HROB: variants seen among roughly 807,000 people sequenced by gnomAD.
The protein encoded by HROB is homologous recombination OB-fold protein.
In HROB, 44 loss-of-function variants were observed where a neutral mutation model predicts 61.0. The ratio of observed to expected loss-of-function variants is 0.72; its 90% CI spans 0.57 to 0.93. HROB has a LOEUF of 0.93. HROB is among the 40% of genes least tolerant of loss of function. The probability of loss-of-function intolerance (pLI) is 0.00; values close to 1 mark genes in which losing one functional copy is unlikely to be tolerated. For missense variants in HROB, 716 were observed against 796.2 expected, an observed-to-expected ratio of 0.90 and a Z score of 1.21; for synonymous variants, 301 against 310.4, an observed-to-expected ratio of 0.97 and a Z score of 0.32.
Position 44,142,133 on chromosome 17 carries a change from C to T in HROB, c.-10C>T, listed in dbSNP as rs1250802305. On this transcript the variant is annotated 5_prime_UTR_variant, in exon 1 of 10. Transcript: ENST00000585683. Reference sequence around the variant, plus strand: ...GCCAACCTCCCCGCCGAGGCCCACCCGCCGTCGCTATGGTAATGCCGCGCC... The same window carrying T: ...GCCAACCTCCCCGCCGAGGCCCACCTGCCGTCGCTATGGTAATGCCGCGCC... The T allele has an allele frequency of 1.3e-6, 2 of 1,529,420 alleles. No individual in the cohort carries two copies. The highest frequency in any genetic ancestry group is 4.0e-5 in the Admixed American group (2 of 50,462). 94.7% of individuals were successfully genotyped at this position (1,529,420 alleles called of 1,614,324 possible). A position where few individuals can be genotyped will look rare whatever the true frequency, so the allele number is the denominator to read the frequency against.
At position 44,148,721 on chromosome 17, in the gene HROB, CTG is replaced by C; in HGVS notation, c.919_920del (p.Trp307ValfsTer24). On this transcript the variant is annotated frameshift_variant, in exon 3 of 10. Coordinates refer to ENST00000585683, the MANE Select transcript of HROB (RefSeq NM_001171251.3). LOFTEE classifies it high-confidence loss of function. ...PCQPFQSPSSWLSGKAHLPRP... is the reference protein window; with the variant it reads ...PCQPFQSPSSXLSGKAHLPRP... ...GTCAGCCATTCCAGTCTCCAAGTTCCTGGTTAAGTGGCAAAGCTCATTTACCC... is the reference window on the plus strand; with the variant it reads ...GTCAGCCATTCCAGTCTCCAAGTTCCGTTAAGTGGCAAAGCTCATTTACCC... 3.7e-6 allele frequency: 6 copies of C among 1,614,222 alleles called. No homozygotes were observed. Among genetic ancestry groups the C allele is most frequent in the Non-Finnish European group, 4.2e-6 (5 of 1,180,034 alleles).
chr17:44,143,687 C>T (rs1299420687), intron 1 of HROB, among the ~76,000 whole-genome samples: 2 of 151,282 alleles, frequency 1.3e-5, no homozygotes, highest in Non-Finnish European at 2.9e-5. Context: ...CACGGTGGTG[C>T]ACACCTGTAG....
Position 44,148,433 on chromosome 17 carries a change from G to C in HROB, c.630G>C (p.Gln210His). Residue 210 changes from glutamine to histidine, a missense_variant, in exon 3 of 10, where the codon CAG becomes CAC. Transcript: ENST00000585683. ...TAGTTGATCTGAGTGGATCTTGCCA[G>C]AAGGGGCCTGTGCCTGCCATCCACA... ...ARVVDLSGSC[Q>H]KGPVPAIHKA... is the part of the protein sequence containing the mutation. The C allele has an allele frequency of 6.2e-7, 1 of 1,614,160 alleles. No homozygotes were observed. Among genetic ancestry groups the C allele is most frequent in the Non-Finnish European group, 8.5e-7 (1 of 1,180,022 alleles).
At chr17:44,161,476 G>C (rs1462193398) in intron 9 of HROB, among the ~76,000 whole-genome samples, 1 of 152,178 alleles carries the variant, frequency 6.6e-6, no homozygotes, top group Non-Finnish European at 1.5e-5. Context: ...TTAAGGAACT[G>C]TGTAACTCTG....
rs769879941 is a variant in HROB, at chr17:44,148,887, G to C, written c.1084G>C (p.Ala362Pro). Residue 362 changes from alanine to proline, a missense_variant, in exon 3 of 10, where the codon GCT becomes CCT. Physicochemically the swap from Ala to Pro is conservative, Grantham distance 27. Coordinates refer to ENST00000585683, the MANE Select transcript of HROB (RefSeq NM_001171251.3). ...TGGTACCCCAAAAGGTCCCCAGGGA[G>C]CTCTGCAGACACCCATAGTCACCAA... is the stretch of plus-strand genomic sequence containing the variant. ...PVGTPKGPQG[A>P]LQTPIVTNHL... 17 of 1,614,044 alleles carry C rather than the reference G, an allele frequency of 1.1e-5. No homozygotes were observed. The East Asian group carries it at 3.8e-4, about 36-fold the overall frequency.
At chr17:44,142,960 A>G (rs2053499345) in intron 1 of HROB, among the ~76,000 whole-genome samples, 1 of 151,308 alleles carries the variant, frequency 6.6e-6, no homozygotes, top group Non-Finnish European at 1.5e-5. Context: ...TTTTTGAGAC[A>G]GAGTCTCACT....
At chr17:44,150,665 A>G (rs2053774181) in intron 3 of HROB, among the ~76,000 whole-genome samples, 1 of 152,170 alleles carries the variant, frequency 6.6e-6, no homozygotes, top group Non-Finnish European at 1.5e-5. Context: ...TGCTGGGATT[A>G]CAGGTGTGAG....
At chr17:44,147,735 C>T (rs1279501328) in intron 2 of HROB, 123 bp from the exon 3 acceptor site, 2 of 996,128 alleles carry the variant, frequency 2.0e-6, no homozygotes, top group Admixed American at 5.5e-5. Flanking sequence ...CATGCCCGAC[C>T]CTCATGCTTT....
chr17:44,145,439 A>T (rs559378791), intron 2 of HROB, among the ~76,000 whole-genome samples, 186 bp downstream of exon 2: 1 of 152,352 alleles, frequency 6.6e-6, no homozygotes, highest in South Asian at 2.1e-4. Context: ...GAAACAAAAA[A>T]CCAGAGCAAT....
intron 2 of HROB, among the ~76,000 whole-genome samples, chr17:44,147,436 CTTTT>C (rs34538292): frequency 4.4e-5 from 5 of 114,730 alleles, no homozygotes; most frequent in Admixed American, 9.0e-5. Context: ...TCTTTTCTTT[CTTTT>C]TTTTTTTTTT....
intron 3 of HROB, among the ~76,000 whole-genome samples, chr17:44,150,080 G>C (rs2053752409): frequency 6.6e-6 from 1 of 152,192 alleles, no homozygotes; most frequent in Non-Finnish European, 1.5e-5. Context: ...ATTGTGGCAG[G>C]TGTGGGGAAG....
At chr17:44,152,881 A>G (rs1415187315) in intron 5 of HROB, 104 bp downstream of exon 5, 6 of 1,390,270 alleles carry the variant, frequency 4.3e-6, no homozygotes, top group Non-Finnish European at 5.9e-6. Context: ...GCTCCCTCGT[A>G]CCCTATACAA....
At chr17:44,154,764 C>A (rs1350821157) in intron 6 of HROB, 89 bp from the exon 7 acceptor site, 1 of 1,587,962 alleles carries the variant, frequency 6.3e-7, no homozygotes, top group South Asian at 1.1e-5. Flanking sequence ...AAAACTGAGG[C>A]AGTGAGCAGC....
Position 44,162,319 on chromosome 17 carries a change from G to A in HROB, c.*387G>A, listed in dbSNP as rs184821724. 145 of 204,380 alleles carry A rather than the reference G, an allele frequency of 7.1e-4. No homozygotes were observed. The highest frequency in any genetic ancestry group is 3.9e-3 in the Middle Eastern group (2 of 514). The allele number at this position is 204,380 out of a possible 1,614,324, so 12.7% of individuals were successfully genotyped here. A position where few individuals can be genotyped will look rare whatever the true frequency, so the allele number is the denominator to read the frequency against. Reference sequence around the variant, plus strand: ...AAAGGAGCCACACCACAACAATGGCGGCCTGCCCCTCCACACAGGGGAGAA... The same window carrying A: ...AAAGGAGCCACACCACAACAATGGCAGCCTGCCCCTCCACACAGGGGAGAA... On this transcript the variant is annotated 3_prime_UTR_variant, in exon 10 of 10. Transcript: ENST00000585683.
chr17:44,161,634 G>T (rs571007190), intron 9 of HROB, among the ~76,000 whole-genome samples: 1 of 152,326 alleles, frequency 6.6e-6, no homozygotes, highest in South Asian at 2.1e-4. Flanking sequence ...TTCCTCGTCA[G>T]AATGGCCCAG....
At chr17:44,155,198 C>G in intron 7 of HROB, 88 bp from the exon 8 acceptor site, 3 of 1,569,464 alleles carry the variant, frequency 1.9e-6, no homozygotes, top group Non-Finnish European at 2.6e-6. Flanking sequence ...CAGAGGACAC[C>G]AAGTGAAAGG....
chr17:44,148,901 C>G lies in HROB; in HGVS notation c.1098C>G (p.Pro366=). The G allele has an allele frequency of 8.7e-6, 14 of 1,614,158 alleles. No homozygotes were observed. Among genetic ancestry groups the G allele is most frequent in the Non-Finnish European group, 1.2e-5 (14 of 1,180,010 alleles). Residue 366 remains proline (P), a synonymous_variant, in exon 3 of 10, where the codon CCC becomes CCG. Transcript: ENST00000585683. The stretch of plus-strand genomic sequence containing the variant: ...GTCCCCAGGGAGCTCTGCAGACACC[C>G]ATAGTCACCAACCACCTGGTGCAGC... The part of the protein sequence containing the change: ...PKGPQGALQT[P]IVTNHLVQLV...
At chr17:44,145,342 G>A (rs2053581359) in intron 2 of HROB, 89 bp downstream of exon 2, 3 of 1,484,606 alleles carry the variant, frequency 2.0e-6, no homozygotes, top group East Asian at 2.3e-5. Flanking sequence ...GCCTGTACCA[G>A]CCTCCTTTTA....
chr17:44,161,171 C>T (rs559734598), intron 9 of HROB, among the ~76,000 whole-genome samples: 2 of 151,282 alleles, frequency 1.3e-5, no homozygotes, highest in South Asian at 4.2e-4. Context: ...CCACTGCACT[C>T]CAGCCTGGGC....
Sources: gnomAD v4.1 joint callset for allele counts (sites outside exome capture counted in the v4.1 genomes callset) on GRCh38, gnomAD v4.1.1 for gene constraint, MANE v1.5 for transcripts, NCBI Gene and HGNC (gene_info 2026-07-23, HGNC 2026-07-21) for gene names.